Variants in NDST1 observed in about 807,000 individuals in gnomAD.
NDST1 encodes the protein N-deacetylase and N-sulfotransferase 1, also known as bifunctional heparan sulfate N-deacetylase/N-sulfotransferase 1.
Under a neutral mutation model 92.8 loss-of-function variants are expected in NDST1, and 35 were observed. The observed-to-expected ratio is 0.38, with a 90% CI of 0.29 to 0.50. The LOEUF (loss-of-function observed/expected upper bound fraction) is 0.50, where lower values mean the gene tolerates loss of function less well. NDST1 is among the 20% of genes least tolerant of loss of function. The probability of loss-of-function intolerance (pLI) is 0.94; values close to 1 mark genes in which losing one functional copy is unlikely to be tolerated. For missense variants in NDST1, 822 were observed against 1,182.7 expected (o/e 0.69, Z 4.47); for synonymous variants, 493 against 500.3 (o/e 0.99, Z 0.19).
chr5:150,553,787 G>A lies in NDST1; in HGVS notation c.*455G>A, dbSNP rs765338839. Reference sequence around the variant, plus strand: ...GACAGACTGGACATTTCCCTGTTTCGAGCCAGGCTCTTCCAAGGGGCCAGC... The same window carrying A: ...GACAGACTGGACATTTCCCTGTTTCAAGCCAGGCTCTTCCAAGGGGCCAGC... On this transcript the variant is annotated 3_prime_UTR_variant, in exon 15 of 15. Transcript: ENST00000261797. The surrounding 1 kb of genome is among the most constrained non-coding windows in gnomAD (Gnocchi z 4.2). The A allele has an allele frequency of 2.1e-5, 9 of 432,552 alleles. No individual in the cohort carries two copies. The highest frequency in any genetic ancestry group is 8.0e-5 in the East Asian group (2 of 25,020). The allele number at this position is 432,552 out of a possible 1,614,324, so 26.8% of individuals were successfully genotyped here.
intron 3 of NDST1, among the ~76,000 whole-genome samples, chr5:150,530,259 C>G (rs915855811): frequency 6.6e-6 from 1 of 152,204 alleles, no homozygotes; most frequent in African/African-American, 2.4e-5. Context: ...TCCTGAAATT[C>G]CATTCTCTTA....
chr5:150,539,220 C>G lies in NDST1; in HGVS notation c.1438-8C>G. 6.2e-7 allele frequency: 1 copy of G among 1,612,452 alleles called. No homozygotes were observed. The highest frequency in any genetic ancestry group is 8.5e-7 in the Non-Finnish European group (1 of 1,178,456). On this transcript the variant is annotated splice_polypyrimidine_tract_variant and splice_region_variant and intron_variant, in intron 6 of 14. Transcript: ENST00000261797. Reference sequence around the variant, plus strand: ...CACCATAGCTCCTCTCCCCCACCCCCTCCTCAGGTTCTCCCACGGCAGACC... The same window carrying G: ...CACCATAGCTCCTCTCCCCCACCCCGTCCTCAGGTTCTCCCACGGCAGACC...
In NDST1 at chr5:150,539,693, G is replaced by A. The variant is rs190449210; in HGVS notation, c.1566+337G>A. 30 of 984,660 alleles carry A rather than the reference G, an allele frequency of 3.0e-5. No homozygotes were observed. The East Asian group carries it at 1.8e-3, about 60-fold the overall frequency. 61.0% of individuals were successfully genotyped at this position (984,660 alleles called of 1,614,324 possible). On this transcript the variant is annotated intron_variant, in intron 7 of 14. Coordinates refer to ENST00000261797, the MANE Select transcript of NDST1 (RefSeq NM_001543.5). ...ACAACATTTGAGTTTTCTAGGTCTCGCTTTCCTTATTTGTAAAATGCAAAC... is the reference window on the plus strand; with the variant it reads ...ACAACATTTGAGTTTTCTAGGTCTCACTTTCCTTATTTGTAAAATGCAAAC...
intron 4 of NDST1, 68 bp from the exon 5 acceptor site, chr5:150,534,799 A>G: frequency 6.2e-7 from 1 of 1,602,984 alleles, no homozygotes; most frequent in Non-Finnish European, 8.5e-7. Context: ...TCCCATCCCC[A>G]GGCACAGGCC....
rs546018305 is a variant in NDST1, at chr5:150,513,879, A to G, written c.-388+5653A>G. On this transcript the variant is annotated intron_variant, in intron 1 of 14. Transcript: ENST00000261797. ...GGGGATGTTAGATAGAGTGACTTCA[A>G]CTCCAGAGCAGTGGCCACGGTTACC... Among the ~76,000 whole-genome samples the G allele has an allele frequency of 9.4e-4, 143 of 152,222 alleles. 1 individual carries two copies. The highest frequency in any genetic ancestry group is 3.3e-3 in the African/African-American group (137 of 41,532).
At chr5:150,513,154 C>T (rs1753798941) in intron 1 of NDST1, among the ~76,000 whole-genome samples, 1 of 151,888 alleles carries the variant, frequency 6.6e-6, no homozygotes, top group East Asian at 1.9e-4. Context: ...GTGATTGTGC[C>T]CCTGCACTCC....
chr5:150,522,998 G>A (rs979104213), intron 2 of NDST1, among the ~76,000 whole-genome samples: 1 of 152,216 alleles, frequency 6.6e-6, no homozygotes, highest in African/African-American at 2.4e-5. Flanking sequence ...CTGGGTGCCC[G>A]TTTGTGCCAG....
chr5:150,539,468 G>T (rs751091062), intron 7 of NDST1, 112 bp downstream of exon 7: 84 of 1,597,668 alleles, frequency 5.3e-5, no homozygotes, highest in Non-Finnish European at 5.4e-5. Context: ...ATGAGTGAGT[G>T]CCTGGCAGTT....
At chr5:150,502,065 G>A (rs749202552) in intron 1 of NDST1, among the ~76,000 whole-genome samples, 5 of 152,234 alleles carry the variant, frequency 3.3e-5, no homozygotes, top group Non-Finnish European at 5.9e-5. Context: ...GTGGAGACAG[G>A]TAGGGCCTCT....
In NDST1 at chr5:150,545,234, C is replaced by A. The variant is rs537665291; in HGVS notation, c.1971-78C>A. The A allele has an allele frequency of 4.9e-5, 75 of 1,531,010 alleles. No homozygotes were observed. The Admixed American group carries it at 1.0e-3, about 21-fold the overall frequency. The allele number at this position is 1,531,010 out of a possible 1,614,324, so 94.8% of individuals were successfully genotyped here. On this transcript the variant is annotated intron_variant, in intron 10 of 14. Coordinates refer to ENST00000261797, the MANE Select transcript of NDST1 (RefSeq NM_001543.5). ...TCTCTGAGGACATTCTACCCCAGTGCCTCGCCCTTGTGCTGCATTCCCTTA... is the reference window on the plus strand; with the variant it reads ...TCTCTGAGGACATTCTACCCCAGTGACTCGCCCTTGTGCTGCATTCCCTTA...
chr5:150,541,465 A>T, intron 8 of NDST1, 105 bp from the exon 9 acceptor site: 1 of 926,732 alleles, frequency 1.1e-6, no homozygotes, highest in Non-Finnish European at 1.8e-6. Context: ...TGTAGCATGT[A>T]GGTATCATGC....
At position 150,554,335 on chromosome 5, in the gene NDST1, T is replaced by TTATA. The variant is rs55954668; in HGVS notation, c.*1024_*1027dup. 0.13 allele frequency: 17,316 copies of TTATA among 137,970 alleles called. 1,274 individuals carry two copies. The highest frequency in any genetic ancestry group is 0.25 in the Admixed American group (3,431 of 13,486). 8.5% of individuals were successfully genotyped at this position (137,970 alleles called of 1,614,324 possible). ...CCCTGGGTGCTGGGGTCGCACTGTGTTATATATATATATATATATATATAA... is the reference window on the plus strand; with the variant it reads ...CCCTGGGTGCTGGGGTCGCACTGTGTTATATATATATATATATATATATATATAA... On this transcript the variant is annotated 3_prime_UTR_variant, in exon 15 of 15. Transcript: ENST00000261797.
intron 1 of NDST1, among the ~76,000 whole-genome samples, chr5:150,510,272 G>A (rs553159387): frequency 6.6e-6 from 1 of 152,354 alleles, no homozygotes; most frequent in East Asian, 1.9e-4. Context: ...TTGGCCGCCA[G>A]TAAGGGAGGT....
At chr5:150,535,927 A>C in intron 6 of NDST1, 42 bp downstream of exon 6, 2 of 1,593,306 alleles carry the variant, frequency 1.3e-6, no homozygotes. Flanking sequence ...GAGAATGGAG[A>C]GCACAGTCTG....
At chr5:150,505,962 T>C (rs1753435131), upstream of NDST1, among the ~76,000 whole-genome samples, 1 of 152,078 alleles carries the variant, frequency 6.6e-6, no homozygotes, top group Non-Finnish European at 1.5e-5. Flanking sequence ...TTCTGTTTTA[T>C]GTGACCAAAC....
rs1418499236 is a variant in NDST1 at position 150,528,074 on chromosome 5, C to A, written c.784C>A (p.Leu262Met). 2 of 1,613,512 alleles carry A rather than the reference C, an allele frequency of 1.2e-6. No individual in the cohort carries two copies. Among genetic ancestry groups the A allele is most frequent in the African/African-American group, 2.7e-5 (2 of 74,938 alleles). ...CGCAGACGCCGGCCTGCATGCTGCA[C>A]TGCACGCCACTGTGGTCCAGGACCT... ...LGADAGLHAA[L>M]HATVVQDLGL... The change falls in exon 3 of 15, where the codon CTG (leucine) becomes ATG (methionine). Residue 262 changes from leucine (L) to methionine (M), a missense_variant. Transcript: ENST00000261797.
intron 9 of NDST1, among the ~76,000 whole-genome samples, chr5:150,542,274 T>C (rs1755280072): frequency 1.3e-5 from 2 of 152,206 alleles, no homozygotes; most frequent in Admixed American, 6.5e-5. Flanking sequence ...TCTCTCATTA[T>C]AGCATGTAAA....
intron 11 of NDST1, among the ~76,000 whole-genome samples, chr5:150,547,877 G>T (rs1219962828): frequency 6.6e-6 from 1 of 152,122 alleles, no homozygotes; most frequent in African/African-American, 2.4e-5. Context: ...TAGAGACGGG[G>T]TTTCGCCACA....
chr5:150,517,271 G>A (rs1754018054), intron 1 of NDST1, among the ~76,000 whole-genome samples: 1 of 151,428 alleles, frequency 6.6e-6, no homozygotes, highest in Admixed American at 6.6e-5. Context: ...CTGAGTAGCT[G>A]GGTCTACAGG....
Sources: allele counts gnomAD v4.1 joint callset (sites outside exome capture counted in the v4.1 genomes callset), GRCh38; gene constraint gnomAD v4.1.1; non-coding constraint Gnocchi (gnomAD v3.1); transcripts MANE v1.5; gene names NCBI Gene and HGNC (gene_info 2026-07-23, HGNC 2026-07-21).